LCMT1: variants seen among roughly 807,000 people sequenced by gnomAD.
LCMT1 encodes the protein [Phosphatase 2A protein]-leucine-carboxy methyltransferase 1.
Under a neutral mutation model 47.7 loss-of-function variants are expected in LCMT1, and 32 were observed. The ratio of observed to expected loss-of-function variants is 0.67; its 90% CI spans 0.51 to 0.90. LCMT1 has a LOEUF of 0.90. Among genes scored for constraint, LCMT1 ranks in the 40% least tolerant of loss-of-function variants. LCMT1 has a pLI of 0.00. For synonymous variants in LCMT1, 152 were observed against 149.7 expected, an observed-to-expected ratio of 1.02 and a Z score of -0.11; for missense variants, 375 against 415.2, an observed-to-expected ratio of 0.90 and a Z score of 0.84.
chr16:25,156,471 G>A (rs1309575736), intron 5 of LCMT1, among the ~76,000 whole-genome samples: 1 of 152,200 alleles, frequency 6.6e-6, no homozygotes, highest in Non-Finnish European at 1.5e-5. Context: ...TAGGCAGAAA[G>A]AGAAAAGAAC....
intron 9 of LCMT1, among the ~76,000 whole-genome samples, chr16:25,171,324 G>A (rs567025063): frequency 6.6e-6 from 1 of 151,980 alleles, no homozygotes; most frequent in Non-Finnish European, 1.5e-5. Flanking sequence ...TGAAGCAGGA[G>A]AATTACTTGA....
chr16:25,116,505 CCTATGGGTGCCAGCCAGCTTCCAACAA>C (rs533867839), intron 1 of LCMT1, among the ~76,000 whole-genome samples: 3 of 152,170 alleles, frequency 2.0e-5, no homozygotes, highest in East Asian at 3.9e-4. Flanking sequence ...ACATGGCCTT[CCTATGGGTGCCAGCCAGCTTCCAACAA>C]CATTAGGGCC....
In LCMT1 at chr16:25,169,150, A is replaced by T; in HGVS notation, c.729A>T (p.Glu243Asp). 1.2e-6 allele frequency: 2 copies of T among 1,613,674 alleles called. No individual in the cohort carries two copies. Among genetic ancestry groups the T allele is most frequent in the Non-Finnish European group, 1.7e-6 (2 of 1,179,824 alleles). The change falls in exon 8 of 11, where the codon GAA (glutamate) becomes GAT (aspartate). Residue 243 changes from glutamate to aspartate, a missense_variant. Transcript: ENST00000399069. The part of the protein sequence containing the change: ...MGDRFGQIMI[E>D]NLRRRQCDLA... The stretch of plus-strand genomic sequence containing the variant: ...ATCGGTTTGGGCAGATCATGATTGA[A>T]AACCTGCGGAGACGCCAGTGTGACC...
intron 9 of LCMT1, among the ~76,000 whole-genome samples, chr16:25,172,186 A>G (rs938863155): frequency 1.3e-5 from 2 of 152,056 alleles, no homozygotes; most frequent in African/African-American, 4.8e-5. Context: ...GGGCGCCTGT[A>G]ATCCCAGTTA....
chr16:25,113,038 G>T (rs1337660323), intron 1 of LCMT1, among the ~76,000 whole-genome samples: 1 of 151,818 alleles, frequency 6.6e-6, no homozygotes, highest in Non-Finnish European at 1.5e-5. Context: ...CTACTCGGGA[G>T]GCTGAGGCCG....
chr16:25,145,129 G>A (rs1213929564), intron 4 of LCMT1: 2 of 152,200 alleles, frequency 1.3e-5, no homozygotes, highest in Admixed American at 1.3e-4. Context: ...CAGCAATGAA[G>A]TGATTGCTTT....
At chr16:25,169,435 G>A (rs277891) in intron 8 of LCMT1, 288,642 of 416,426 alleles carry the variant, frequency 0.69, 101,261 homozygotes, top group Non-Finnish European at 0.74. Context: ...TTTGTATTAC[G>A]CAAATTTTCA....
At chr16:25,166,262 G>T (rs1313013807) in intron 7 of LCMT1, among the ~76,000 whole-genome samples, 2 of 132,812 alleles carry the variant, frequency 1.5e-5, no homozygotes, top group Non-Finnish European at 3.1e-5. Flanking sequence ...CGAGCGAGAC[G>T]CCATCTCAAA....
Position 25,133,385 on chromosome 16 carries a change from GTTTTTTTTT to G in LCMT1, c.327+884_327+892del, listed in dbSNP as rs1177872054. 4.6e-3 allele frequency among the ~76,000 whole-genome samples: 243 copies of G among 52,614 alleles called. 1 individual carries two copies. Among genetic ancestry groups the G allele is most frequent in the African/African-American group, 0.017 (232 of 13,840 alleles). The allele number at this position is 52,614 out of a possible 152,430, so 34.5% of individuals were successfully genotyped here. ...TGTGGTCTTTGGCTCCTGGGCTTAG[GTTTTTTTTT>G]TTTTTTTTTTTTTTTTTTTTTGAGA... On this transcript the variant is annotated intron_variant, in intron 3 of 10. Transcript: ENST00000399069.
intron 10 of LCMT1, among the ~76,000 whole-genome samples, chr16:25,176,320 T>C (rs1190186115): frequency 6.6e-6 from 1 of 152,026 alleles, no homozygotes; most frequent in African/African-American, 2.4e-5. Flanking sequence ...CCTTCAAGCT[T>C]CCCGCAGATG....
chr16:25,162,603 A>AG (rs1491426449), intron 6 of LCMT1, among the ~76,000 whole-genome samples: 3 of 147,174 alleles, frequency 2.0e-5, no homozygotes, highest in African/African-American at 7.9e-5. Flanking sequence ...AAAAAAAAAA[A>AG]GAAAAGAAAA....
Position 25,161,222 on chromosome 16 carries a change from A to G in LCMT1, c.569+18A>G. ...AATACACAGTGAGATTTTTTTTTTTAAACCTCTTCTGCATTTGTGATTTTA... is the reference window on the plus strand; with the variant it reads ...AATACACAGTGAGATTTTTTTTTTTGAACCTCTTCTGCATTTGTGATTTTA... On this transcript the variant is annotated intron_variant, in intron 6 of 10. Coordinates refer to ENST00000399069, the MANE Select transcript of LCMT1 (RefSeq NM_016309.3). The G allele has an allele frequency of 7.5e-7, 1 of 1,335,166 alleles. No individual in the cohort carries two copies. Among genetic ancestry groups the G allele is most frequent in the South Asian group, 1.2e-5 (1 of 80,084 alleles). The allele number at this position is 1,335,166 out of a possible 1,614,324, so 82.7% of individuals were successfully genotyped here. A position where few individuals can be genotyped will look rare whatever the true frequency, so the allele number is the denominator to read the frequency against.
chr16:25,143,354 T>A (rs1300954853), intron 4 of LCMT1: 1 of 152,164 alleles, frequency 6.6e-6, no homozygotes, highest in Non-Finnish European at 1.5e-5. Flanking sequence ...AGTGTATGGT[T>A]CATCTTAACT....
At chr16:25,156,876 G>C (rs529702302) in intron 5 of LCMT1, among the ~76,000 whole-genome samples, 1 of 152,066 alleles carries the variant, frequency 6.6e-6, no homozygotes, top group East Asian at 1.9e-4. Context: ...GTGTCAGTTG[G>C]GTGGTCAGAC....
At chr16:25,157,946 T>C (rs935859718) in intron 5 of LCMT1, among the ~76,000 whole-genome samples, 14 of 152,228 alleles carry the variant, frequency 9.2e-5, no homozygotes, top group African/African-American at 2.2e-4. Flanking sequence ...TTTAAACAGC[T>C]GAAGTATTTA....
At chr16:25,138,562 A>G (rs915269358) in intron 3 of LCMT1, among the ~76,000 whole-genome samples, 3 of 152,050 alleles carry the variant, frequency 2.0e-5, no homozygotes, top group African/African-American at 7.2e-5. Flanking sequence ...TGTGTCTTTC[A>G]TATTTGTTTG....
intron 5 of LCMT1, among the ~76,000 whole-genome samples, chr16:25,158,458 G>A (rs1314563750): frequency 1.1e-4 from 16 of 152,324 alleles, no homozygotes; most frequent in African/African-American, 3.6e-4. Context: ...AGAAAGTTCT[G>A]TAAGTATCAC....
At position 25,111,794 on chromosome 16, in the gene LCMT1, T is replaced by C; in HGVS notation, c.-90T>C. ...GTAGGGCCCTACCCTCTTCTGTTGC[T>C]TTCTCCCTGTGGCTCGCGCCGTCCC... On this transcript the variant is annotated 5_prime_UTR_variant, in exon 1 of 11. Coordinates refer to ENST00000399069, the MANE Select transcript of LCMT1 (RefSeq NM_016309.3). 1 of 877,844 alleles carries C rather than the reference T, an allele frequency of 1.1e-6. No individual in the cohort carries two copies. Among genetic ancestry groups the C allele is most frequent in the Non-Finnish European group, 1.9e-6 (1 of 536,622 alleles). The allele number at this position is 877,844 out of a possible 1,614,324, so 54.4% of individuals were successfully genotyped here.
intron 5 of LCMT1, among the ~76,000 whole-genome samples, chr16:25,158,107 G>A (rs925808589): frequency 1.3e-5 from 2 of 152,208 alleles, no homozygotes; most frequent in African/African-American, 2.4e-5. Flanking sequence ...AATCAGATTG[G>A]ACACCACCCC....
Sources: allele counts gnomAD v4.1 joint callset (sites outside exome capture counted in the v4.1 genomes callset), GRCh38; gene constraint gnomAD v4.1.1; transcripts MANE v1.5; gene names NCBI Gene and HGNC (gene_info 2026-07-23, HGNC 2026-07-21).